The following DIAPH3 variants were observed in gnomAD, a reference collection of about 807,000 sequenced individuals.
DIAPH3 encodes the protein diaphanous related formin 3.
In DIAPH3, 117 loss-of-function variants were observed where a neutral mutation model predicts 144.3. The ratio of observed to expected loss-of-function variants is 0.81; its 90% CI spans 0.70 to 0.95. DIAPH3 has a LOEUF of 0.95. DIAPH3 is among the 40% of genes least tolerant of loss of function. The probability of loss-of-function intolerance (pLI) is 0.00; values close to 1 mark genes in which losing one functional copy is unlikely to be tolerated. For missense variants in DIAPH3, 1,421 were observed against 1,412.7 expected (o/e 1.01, Z -0.09); for synonymous variants, 519 against 488.9 (o/e 1.06, Z -0.81).
At chr13:60,078,338 A>G (rs1276881470) in intron 4 of DIAPH3, among the ~76,000 whole-genome samples, 1 of 152,168 alleles carries the variant, frequency 6.6e-6, no homozygotes, top group Admixed American at 6.6e-5. Flanking sequence ...AAGAGAGAAC[A>G]GGAGCTGGTT....
At chr13:59,948,882 AAG>A (rs2048945714) in intron 17 of DIAPH3, among the ~76,000 whole-genome samples, 1 of 151,552 alleles carries the variant, frequency 6.6e-6, no homozygotes, top group African/African-American at 2.4e-5. Flanking sequence ...GGAAGGAAGG[AAG>A]GAAGGAAGGA....
intron 24 of DIAPH3, among the ~76,000 whole-genome samples, chr13:59,817,381 C>A (rs1454167286): frequency 1.3e-5 from 2 of 151,822 alleles, no homozygotes; most frequent in Non-Finnish European, 2.9e-5. Flanking sequence ...TGTTATTAGG[C>A]ACATACCATT....
At chr13:60,137,719 C>T (rs2059322368) in intron 1 of DIAPH3, among the ~76,000 whole-genome samples, 1 of 148,922 alleles carries the variant, frequency 6.7e-6, no homozygotes, top group Non-Finnish European at 1.5e-5. Flanking sequence ...TTGGCTGACA[C>T]AGTTTAATTC....
intron 15 of DIAPH3, among the ~76,000 whole-genome samples, chr13:59,971,857 A>T (rs527481265): frequency 6.6e-6 from 1 of 152,274 alleles, no homozygotes; most frequent in Non-Finnish European, 1.5e-5. Context: ...TGCCTGGAAC[A>T]TTCTCTTCAC....
At chr13:59,871,597 CA>C (rs1333391676) in intron 21 of DIAPH3, among the ~76,000 whole-genome samples, 1 of 152,160 alleles carries the variant, frequency 6.6e-6, no homozygotes, top group Non-Finnish European at 1.5e-5. Context: ...AATGGATTTT[CA>C]AATGTCGCAC....
intron 14 of DIAPH3, among the ~76,000 whole-genome samples, chr13:59,979,258 T>C (rs893307189): frequency 6.6e-6 from 1 of 151,740 alleles, no homozygotes; most frequent in African/African-American, 2.4e-5. Flanking sequence ...TTTGACTCCA[T>C]TCATATATAC....
rs2044872173 is a variant in DIAPH3, at chr13:59,879,601, G to A, written c.2368-133C>T. 5.5e-6 allele frequency: 7 copies of A among 1,275,990 alleles called. 1 individual carries two copies. The highest frequency in any genetic ancestry group is 2.9e-5 in the South Asian group (2 of 69,498). The allele number at this position is 1,275,990 out of a possible 1,614,324, so 79.0% of individuals were successfully genotyped here. A position where few individuals can be genotyped will look rare whatever the true frequency, so the allele number is the denominator to read the frequency against. On this transcript the variant is annotated intron_variant, in intron 20 of 27. Transcript: ENST00000400324. ...AGAAATATGTCTCCTAAAACTGATA[G>A]CAGGAAGAGAGAAAAGCCCTGCTTG...
At chr13:59,840,937 T>C (rs1020591651) in intron 22 of DIAPH3, among the ~76,000 whole-genome samples, 2 of 131,394 alleles carry the variant, frequency 1.5e-5, no homozygotes, top group Non-Finnish European at 3.2e-5. Context: ...CACATATTCT[T>C]ACCTTTTTAA....
intron 24 of DIAPH3, among the ~76,000 whole-genome samples, chr13:59,829,310 G>A (rs1425323355): frequency 2.0e-5 from 3 of 151,970 alleles, no homozygotes; most frequent in African/African-American, 7.2e-5. Context: ...TCTATTGGGA[G>A]AGGGGTTAGG....
intron 16 of DIAPH3, among the ~76,000 whole-genome samples, chr13:59,970,361 G>A (rs1018297468): frequency 6.6e-6 from 1 of 152,078 alleles, no homozygotes; most frequent in Non-Finnish European, 1.5e-5. Context: ...ATTTTGGTGG[G>A]CAGGACACAT....
chr13:59,762,841 G>C (rs1201848776), intron 27 of DIAPH3, among the ~76,000 whole-genome samples: 1 of 152,108 alleles, frequency 6.6e-6, no homozygotes, highest in East Asian at 1.9e-4. Flanking sequence ...ATTAGGCCTT[G>C]AGGCGTCTGT....
At chr13:59,842,482 C>A (rs1024896038) in intron 22 of DIAPH3, among the ~76,000 whole-genome samples, 1 of 152,106 alleles carries the variant, frequency 6.6e-6, no homozygotes, top group African/African-American at 2.4e-5. Context: ...TTCTCCAATA[C>A]CAACTGGGTG....
At chr13:59,923,185 A>G (rs543025871) in intron 18 of DIAPH3, among the ~76,000 whole-genome samples, 35 of 152,322 alleles carry the variant, frequency 2.3e-4, no homozygotes, top group Non-Finnish European at 4.3e-4. Flanking sequence ...CTAACTTACC[A>G]CAGCTGACCC....
intron 17 of DIAPH3, among the ~76,000 whole-genome samples, chr13:59,944,578 T>C (rs1260477513): frequency 6.6e-6 from 1 of 152,104 alleles, no homozygotes; most frequent in Non-Finnish European, 1.5e-5. Context: ...TTATCACACA[T>C]AACCAATCTT....
chr13:59,867,985 T>C (rs779357468), intron 21 of DIAPH3, among the ~76,000 whole-genome samples: 2 of 152,060 alleles, frequency 1.3e-5, no homozygotes, highest in Non-Finnish European at 2.9e-5. Context: ...TCAGCAACTA[T>C]ATCAGCACTC....
intron 27 of DIAPH3, among the ~76,000 whole-genome samples, chr13:59,714,217 G>A (rs541900010): frequency 9.2e-5 from 14 of 151,454 alleles, no homozygotes; most frequent in South Asian, 4.2e-4. Flanking sequence ...AAAATTAGCC[G>A]GGCGTAGTGG....
At chr13:60,047,187 A>G (rs1195553783) in intron 4 of DIAPH3, among the ~76,000 whole-genome samples, 1 of 152,198 alleles carries the variant, frequency 6.6e-6, no homozygotes, top group East Asian at 1.9e-4. Context: ...GAAACTGAGG[A>G]CAACCTACAA....
At chr13:59,854,031 A>G (rs530872515) in intron 22 of DIAPH3, among the ~76,000 whole-genome samples, 1 of 152,276 alleles carries the variant, frequency 6.6e-6, no homozygotes, top group Admixed American at 6.5e-5. Context: ...AGATGAAATT[A>G]GTTAAGGATC....
chr13:59,939,457 T>C (rs1025149351), intron 17 of DIAPH3, among the ~76,000 whole-genome samples: 1 of 152,158 alleles, frequency 6.6e-6, no homozygotes, highest in Admixed American at 6.5e-5. Flanking sequence ...AGGTGCATAG[T>C]GATAAAGCCA....
Sources: allele counts gnomAD v4.1 joint callset (sites outside exome capture counted in the v4.1 genomes callset), GRCh38; gene constraint gnomAD v4.1.1; transcripts MANE v1.5; gene names NCBI Gene and HGNC (gene_info 2026-07-23, HGNC 2026-07-21).